The following LAMA3 variants were observed in gnomAD, a reference collection of about 807,000 sequenced individuals.
The protein encoded by LAMA3 is laminin subunit alpha-3.
A neutral mutation model predicts 402.0 loss-of-function variants in LAMA3; 281 were observed. That is an observed-to-expected ratio of 0.70 (90% confidence interval 0.63 to 0.77). The LOEUF (loss-of-function observed/expected upper bound fraction) is 0.77, where lower values mean the gene tolerates loss of function less well. Ranked by LOEUF, LAMA3 falls within the 30% of genes least tolerant of loss-of-function variation. LAMA3 has a pLI of 0.00. For missense variants in LAMA3, 3,840 were observed against 4,215.5 expected (o/e 0.91, Z 2.47); for synonymous variants, 1,431 against 1,558.4 (o/e 0.92, Z 1.93).
intron 52 of LAMA3, among the ~76,000 whole-genome samples, chr18:23,907,102 G>T (rs1332351794): frequency 6.6e-6 from 1 of 152,234 alleles, no homozygotes; most frequent in East Asian, 1.9e-4. Flanking sequence ...GATGGAAGAG[G>T]ATCCTTTCTA....
At chr18:23,700,013 T>C (rs1198165810) in intron 1 of LAMA3, among the ~76,000 whole-genome samples, 1 of 152,152 alleles carries the variant, frequency 6.6e-6, no homozygotes, top group African/African-American at 2.4e-5. Context: ...CGAAAATTAA[T>C]CCTTTATCAC....
At chr18:23,823,276 G>C (rs1450249101) in intron 20 of LAMA3, among the ~76,000 whole-genome samples, 2 of 152,202 alleles carry the variant, frequency 1.3e-5, no homozygotes, top group African/African-American at 4.8e-5. Context: ...AGAGAAAACA[G>C]AGCTGAGAGG....
chr18:23,839,684 C>G lies in LAMA3; in HGVS notation c.3192-101C>G, dbSNP rs1330112411. 1 of 1,237,330 alleles carries G rather than the reference C, an allele frequency of 8.1e-7. No individual in the cohort carries two copies. Among genetic ancestry groups the G allele is most frequent in the Non-Finnish European group, 1.2e-6 (1 of 844,972 alleles). 76.6% of individuals were successfully genotyped at this position (1,237,330 alleles called of 1,614,324 possible). A position where few individuals can be genotyped will look rare whatever the true frequency, so the allele number is the denominator to read the frequency against. The stretch of plus-strand genomic sequence containing the variant: ...CCCCCAGCACTGGATCCTTTTGATG[C>G]CCATGCAGTCCTATGCTCCAAGTCT... On this transcript the variant is annotated intron_variant, in intron 26 of 74. Transcript: ENST00000313654. This position sits in a 1 kb window ranked among gnomAD's most constrained non-coding sequence, Gnocchi z 4.5.
rs1195472353 is a variant in LAMA3 at position 23,942,583 on chromosome 18, T to G, written c.9027-1205T>G. On this transcript the variant is annotated intron_variant, in intron 68 of 74. Coordinates refer to ENST00000313654, the MANE Select transcript of LAMA3 (RefSeq NM_198129.4). ...ATGAATACTAACTTGCACTCTGCTT[T>G]TTTTTTTTTTTTTTTAGACAGAGCC... Among the ~76,000 whole-genome samples the G allele has an allele frequency of 2.7e-5, 4 of 145,970 alleles. No individual in the cohort carries two copies. In the East Asian group the frequency reaches 7.9e-4, roughly 29 times the overall value.
chr18:23,742,937 G>A (rs1442923527), intron 2 of LAMA3, among the ~76,000 whole-genome samples: 1 of 152,150 alleles, frequency 6.6e-6, no homozygotes, highest in Non-Finnish European at 1.5e-5. Context: ...AGTTGAGTAG[G>A]AAGCTTATTT....
chr18:23,709,923 T>C (rs2060958792), intron 1 of LAMA3: 7 of 716,006 alleles, frequency 9.8e-6, no homozygotes, highest in South Asian at 9.4e-5. Flanking sequence ...GGTGTTGACT[T>C]TGGCCACATC....
intron 1 of LAMA3, among the ~76,000 whole-genome samples, chr18:23,690,403 T>C (rs2060560951): frequency 1.3e-5 from 2 of 152,134 alleles, no homozygotes; most frequent in Admixed American, 1.3e-4. Flanking sequence ...TTACCTTCTG[T>C]GGTGTATTTT....
At chr18:23,928,295 C>T (rs1454210565) in intron 63 of LAMA3, 55 bp downstream of exon 63, 15 of 1,125,110 alleles carry the variant, frequency 1.3e-5, no homozygotes, top group African/African-American at 7.6e-5. Flanking sequence ...ACCCACCTTC[C>T]GTATCCATTA....
At chr18:23,789,073 G>C (rs1312923255) in intron 12 of LAMA3, among the ~76,000 whole-genome samples, 1 of 152,046 alleles carries the variant, frequency 6.6e-6, no homozygotes, top group South Asian at 2.1e-4. Flanking sequence ...TGGCCAACTG[G>C]TATATGAACA....
chr18:23,862,803 C>T lies in LAMA3; in HGVS notation c.4584+996C>T, dbSNP rs985417754. Among the ~76,000 whole-genome samples, 2 of 143,486 alleles carry T rather than the reference C, an allele frequency of 1.4e-5. 1 individual carries two copies. Among genetic ancestry groups the T allele is most frequent in the Middle Eastern group, 6.8e-3 (2 of 292 alleles). 94.1% of individuals were successfully genotyped at this position (143,486 alleles called of 152,430 possible). A position where few individuals can be genotyped will look rare whatever the true frequency, so the allele number is the denominator to read the frequency against. ...GTTACTGTCAAGATGTCAACCAGGG[C>T]TGTAGTCCCCTGGGACTGCAGCATC... On this transcript the variant is annotated intron_variant, in intron 35 of 74. Coordinates refer to ENST00000313654, the MANE Select transcript of LAMA3 (RefSeq NM_198129.4).
At chr18:23,805,203 C>T (rs1034542711) in intron 12 of LAMA3, among the ~76,000 whole-genome samples, 1 of 152,050 alleles carries the variant, frequency 6.6e-6, no homozygotes, top group African/African-American at 2.4e-5. Flanking sequence ...AGCAATGAAG[C>T]CACATCTAGT....
At chr18:23,790,284 G>A (rs1021072676) in intron 12 of LAMA3, among the ~76,000 whole-genome samples, 1 of 152,122 alleles carries the variant, frequency 6.6e-6, no homozygotes, top group East Asian at 1.9e-4. Flanking sequence ...TAGAGGGTAT[G>A]GGCCAGCATT....
chr18:23,820,893 C>G (rs1223117881), intron 19 of LAMA3, among the ~76,000 whole-genome samples: 1 of 152,138 alleles, frequency 6.6e-6, no homozygotes, highest in East Asian at 1.9e-4. Flanking sequence ...GATTCTAATG[C>G]TGTTTTTTAC....
At position 23,904,063 on chromosome 18, in the gene LAMA3, A is replaced by G; in HGVS notation, c.6449A>G (p.Gln2150Arg). 1.1e-5 allele frequency: 18 copies of G among 1,613,896 alleles called. No individual in the cohort carries two copies. The highest frequency in any genetic ancestry group is 1.5e-5 in the Non-Finnish European group (18 of 1,180,050). Residue 2150 changes from glutamine to arginine, a missense_variant, in exon 50 of 75, where the codon CAA becomes CGA. Physicochemically the swap from Gln to Arg is conservative, Grantham distance 43. Coordinates refer to ENST00000313654, the MANE Select transcript of LAMA3 (RefSeq NM_198129.4). ...EEAEKHARSL[Q>R]ELAKQLEEIK... ...GCAGAAAAGCACGCGCGGTCCTTAC[A>G]AGAGCTGGCAAAGCAGCTGGAAGAG... is the stretch of plus-strand genomic sequence containing the variant.
At chr18:23,922,168 C>T (rs1330962089) in intron 62 of LAMA3, among the ~76,000 whole-genome samples, 4 of 152,298 alleles carry the variant, frequency 2.6e-5, no homozygotes, top group African/African-American at 4.8e-5. Context: ...TTGGAATGCA[C>T]GTAAAAATAA....
chr18:23,750,992 C>T lies in LAMA3; in HGVS notation c.759C>T (p.Thr253=). ...TCTCTCACACCCTGAGGGAGTTTAC[C>T]AAGGCAACAAACATCCGCTTGCGTT... ...FTFSHTLREF[T]KATNIRLRFL... Residue 253 remains threonine, a synonymous_variant, in exon 5 of 75, where the codon ACC becomes ACT. Coordinates refer to ENST00000313654, the MANE Select transcript of LAMA3 (RefSeq NM_198129.4). 1 of 1,614,052 alleles carries T rather than the reference C, an allele frequency of 6.2e-7. No homozygotes were observed.
chr18:23,863,003 G>GAGAGAGAGAGAGAGAGAA (rs1028962037), intron 35 of LAMA3, among the ~76,000 whole-genome samples: 1 of 150,576 alleles, frequency 6.6e-6, no homozygotes, highest in Non-Finnish European at 1.5e-5. Context: ...CAGGGTGGGG[G>GAGAGAGAGAGAGAGAGAA]AGAGAGAGAG....
Position 23,711,724 on chromosome 18 carries a change from T to C in LAMA3, c.295-2196T>C, listed in dbSNP as rs185263327. ...TTCCTCATCTGTAAAATAGAGGTGA[T>C]AATAATAATCTTAGTATGAAAATAT... On this transcript the variant is annotated intron_variant, in intron 1 of 74. Coordinates refer to ENST00000313654, the MANE Select transcript of LAMA3 (RefSeq NM_198129.4). Among the ~76,000 whole-genome samples the C allele has an allele frequency of 2.6e-3, 394 of 152,340 alleles. 2 individuals carry two copies. Among genetic ancestry groups the C allele is most frequent in the African/African-American group, 9.1e-3 (378 of 41,570 alleles).
chr18:23,821,685 G>A (rs1029927667), intron 19 of LAMA3, among the ~76,000 whole-genome samples: 2 of 152,188 alleles, frequency 1.3e-5, no homozygotes, highest in African/African-American at 2.4e-5. Flanking sequence ...CTTTGCATAA[G>A]GAATTGAGAT....
Sources: allele counts gnomAD v4.1 joint callset (sites outside exome capture counted in the v4.1 genomes callset), GRCh38; gene constraint gnomAD v4.1.1; non-coding constraint Gnocchi (gnomAD v3.1); transcripts MANE v1.5; gene names NCBI Gene and HGNC (gene_info 2026-07-23, HGNC 2026-07-21).